Variants in AREL1 observed in about 807,000 individuals in gnomAD.
AREL1 encodes the protein apoptosis-resistant E3 ubiquitin protein ligase 1.
A neutral mutation model predicts 99.0 loss-of-function variants in AREL1; 62 were observed. That is an observed-to-expected ratio of 0.63 (90% CI 0.51 to 0.77). The LOEUF (loss-of-function observed/expected upper bound fraction) is 0.77, where lower values mean the gene tolerates loss of function less well. Among genes scored for constraint, AREL1 ranks in the 30% least tolerant of loss-of-function variants. AREL1 has a pLI of 0.00. For missense variants in AREL1, 879 were observed against 1,027.6 expected, an observed-to-expected ratio of 0.86 and a Z score of 1.98; for synonymous variants, 380 against 376.5, an observed-to-expected ratio of 1.01 and a Z score of -0.11.
Position 74,671,279 on chromosome 14 carries a change from C to G in AREL1, c.1498+129G>C, listed in dbSNP as rs377234330. The G allele has an allele frequency of 2.3e-4, 122 of 536,966 alleles. No individual in the cohort carries two copies. The South Asian group carries it at 3.1e-3, about 14-fold the overall frequency. The allele number at this position is 536,966 out of a possible 1,614,324, so 33.3% of individuals were successfully genotyped here. ...CCCTTTTCCTTGGGGAAAAAAAAAC[C>G]TAGGTTTTTTTTTTTAGGGAGTGAG... is the stretch of plus-strand genomic sequence containing the variant. On this transcript the variant is annotated intron_variant, in intron 12 of 19. Coordinates refer to ENST00000356357, the MANE Select transcript of AREL1 (RefSeq NM_001039479.2).
At chr14:74,678,225 C>T (rs2089538111) in intron 5 of AREL1, 1 of 454,970 alleles carries the variant, frequency 2.2e-6, no homozygotes, top group Non-Finnish European at 4.4e-6. Context: ...GGCTGTGTGA[C>T]TTGGCTCACG....
chr14:74,702,338 C>T (rs1179565837), intron 1 of AREL1, among the ~76,000 whole-genome samples: 1 of 152,242 alleles, frequency 6.6e-6, no homozygotes, highest in African/African-American at 2.4e-5. Context: ...GGTTCTCAAA[C>T]CTCAGTTCTT....
At chr14:74,706,807 T>C (rs1446485073) in intron 1 of AREL1, among the ~76,000 whole-genome samples, 2 of 152,046 alleles carry the variant, frequency 1.3e-5, no homozygotes, top group Admixed American at 1.3e-4. Context: ...ATCTATGAGG[T>C]GAGCATAGAG....
intron 13 of AREL1, 150 bp from the exon 14 acceptor site, chr14:74,670,276 CACT>C: frequency 3.0e-6 from 2 of 672,726 alleles, no homozygotes; most frequent in South Asian, 2.9e-5. Flanking sequence ...TGGTAGCCAC[CACT>C]GAGTAATTCA....
intron 2 of AREL1, among the ~76,000 whole-genome samples, chr14:74,691,646 G>A (rs747438330): frequency 3.3e-5 from 5 of 152,156 alleles, no homozygotes; most frequent in Non-Finnish European, 7.3e-5. Flanking sequence ...GCTTACGAAG[G>A]ATCCTGGTCT....
intron 11 of AREL1, among the ~76,000 whole-genome samples, chr14:74,672,573 C>T (rs1255851111): frequency 2.0e-5 from 3 of 151,936 alleles, no homozygotes. Flanking sequence ...CCCATCTTTA[C>T]AAAAAATACA....
At chr14:74,704,811 AT>A (rs1469899360) in intron 1 of AREL1, among the ~76,000 whole-genome samples, 3 of 152,056 alleles carry the variant, frequency 2.0e-5, no homozygotes. Flanking sequence ...TTTGTGTTCT[AT>A]TTTTTAAAAC....
intron 1 of AREL1, among the ~76,000 whole-genome samples, chr14:74,693,049 C>T (rs1250376295): frequency 6.6e-6 from 1 of 152,172 alleles, no homozygotes. Flanking sequence ...ACCTTCAGCA[C>T]AACCACATAC....
chr14:74,669,361 T>TGGA (rs2089279457), intron 15 of AREL1, among the ~76,000 whole-genome samples: 1 of 152,154 alleles, frequency 6.6e-6, no homozygotes, highest in Non-Finnish European at 1.5e-5. Context: ...GTGGGATAGA[T>TGGA]GGAGATATGT....
At chr14:74,665,956 T>C (rs2089200798) in intron 17 of AREL1, among the ~76,000 whole-genome samples, 1 of 152,202 alleles carries the variant, frequency 6.6e-6, no homozygotes, top group South Asian at 2.1e-4. Flanking sequence ...CTACAAATTG[T>C]TACAAATGCT....
chr14:74,699,235 C>A (rs1169133255), intron 1 of AREL1, among the ~76,000 whole-genome samples: 1 of 152,162 alleles, frequency 6.6e-6, no homozygotes, highest in African/African-American at 2.4e-5. Flanking sequence ...GGAGTTCACA[C>A]ATTCTCTGTG....
chr14:74,698,796 G>T (rs890124846), intron 1 of AREL1: 2 of 266,752 alleles, frequency 7.5e-6, no homozygotes, highest in Non-Finnish European at 1.6e-5. Flanking sequence ...GGCTGAGGTG[G>T]GAGGATGGCT....
rs976611600 is a variant in AREL1, at chr14:74,662,832, T to A, written c.*888A>T. 2.1e-5 allele frequency: 8 copies of A among 379,056 alleles called. No individual in the cohort carries two copies. Among genetic ancestry groups the A allele is most frequent in the African/African-American group, 1.2e-4 (6 of 48,324 alleles). The allele number at this position is 379,056 out of a possible 1,614,324, so 23.5% of individuals were successfully genotyped here. ...TTTTCTTCAGTAGAATGCTAAAGGA[T>A]CCCCAGCTTTTAGCAGACTACATAA... On this transcript the variant is annotated 3_prime_UTR_variant, in exon 20 of 20. Coordinates refer to ENST00000356357, the MANE Select transcript of AREL1 (RefSeq NM_001039479.2).
At chr14:74,709,781 CA>C (rs1330164328) in intron 1 of AREL1, among the ~76,000 whole-genome samples, 1 of 152,032 alleles carries the variant, frequency 6.6e-6, no homozygotes, top group Admixed American at 6.5e-5. Context: ...TGAAAATGGA[CA>C]AAAAAGTGAA....
In AREL1 at chr14:74,670,066, G is replaced by A. The variant is rs763612853; in HGVS notation, c.1669C>T (p.Arg557Trp). 12 of 1,613,950 alleles carry A rather than the reference G, an allele frequency of 7.4e-6. No individual in the cohort carries two copies. The highest frequency in any genetic ancestry group is 1.7e-5 in the Admixed American group (1 of 60,006). The change falls in exon 14 of 20, where the codon CGG (arginine) becomes TGG (tryptophan). Residue 557 changes from arginine to tryptophan, a missense_variant. Arg to Trp is a moderately radical substitution (Grantham distance 101). Transcript: ENST00000356357. The part of the protein sequence containing the change: ...LRLKMYEFAG[R>W]LVGKCLYESS... Reference sequence around the variant, plus strand: ...TCATAGAGACACTTGCCCACGAGCCGTCCCGCAAACTCATACATTTTCAGG... The same window carrying A: ...TCATAGAGACACTTGCCCACGAGCCATCCCGCAAACTCATACATTTTCAGG...
At chr14:74,702,195 T>C (rs1342901839) in intron 1 of AREL1, among the ~76,000 whole-genome samples, 1 of 152,222 alleles carries the variant, frequency 6.6e-6, no homozygotes, top group Non-Finnish European at 1.5e-5. Flanking sequence ...GTGGGGACTC[T>C]GTGTGGGAGC....
intron 2 of AREL1, among the ~76,000 whole-genome samples, chr14:74,691,601 T>A (rs758694659): frequency 2.0e-5 from 3 of 152,188 alleles, no homozygotes; most frequent in Non-Finnish European, 4.4e-5. Flanking sequence ...AAAAGTGGAA[T>A]GCAATGCCAA....
intron 1 of AREL1, among the ~76,000 whole-genome samples, chr14:74,694,561 T>C (rs1233619747): frequency 6.6e-6 from 1 of 152,234 alleles, no homozygotes; most frequent in Non-Finnish European, 1.5e-5. Context: ...CTGTACCTTT[T>C]AGTGTTTTTC....
At position 74,662,117 on chromosome 14, in the gene AREL1, C is replaced by T. The variant is rs2089094931; in HGVS notation, c.*1603G>A. 1 of 153,640 alleles carries T rather than the reference C, an allele frequency of 6.5e-6. No individual in the cohort carries two copies. The highest frequency in any genetic ancestry group is 2.4e-5 in the African/African-American group (1 of 41,500). The allele number at this position is 153,640 out of a possible 1,614,324, so 9.5% of individuals were successfully genotyped here. On this transcript the variant is annotated 3_prime_UTR_variant, in exon 20 of 20. Transcript: ENST00000356357. ...ATCCTGGGGTATAGAGACCCTGATG[C>T]TGGATCCCGGACCCCAAGGATGAGT...
Sources: gnomAD v4.1 joint callset for allele counts (sites outside exome capture counted in the v4.1 genomes callset) on GRCh38, gnomAD v4.1.1 for gene constraint, MANE v1.5 for transcripts, NCBI Gene and HGNC (gene_info 2026-07-23, HGNC 2026-07-21) for gene names.